Variants in TRPM3 observed in about 807,000 individuals in gnomAD.
TRPM3 encodes transient receptor potential cation channel subfamily M member 3, also known as long transient receptor potential channel 3.
TRPM3 carries 77 observed loss-of-function variants against 181.2 expected under a neutral mutation model. The ratio of observed to expected loss-of-function variants is 0.42; its 90% CI spans 0.35 to 0.51. The LOEUF is 0.51. Ranked by LOEUF, TRPM3 falls within the 20% of genes least tolerant of loss-of-function variation. The pLI is 0.01. For synonymous variants in TRPM3, 745 were observed against 796.4 expected (o/e 0.94, Z 1.09); for missense variants, 1,759 against 2,196.7 (o/e 0.80, Z 3.98).
At chr9:70,811,392 GC>G (rs2092012598) in intron 6 of TRPM3, 1 of 663,274 alleles carries the variant, frequency 1.5e-6, no homozygotes, top group African/African-American at 1.8e-5. Flanking sequence ...GCATCATCCA[GC>G]CCTTCTGCAC....
chr9:70,556,044 C>T (rs1484120615), intron 22 of TRPM3, among the ~76,000 whole-genome samples: 1 of 152,172 alleles, frequency 6.6e-6, no homozygotes, highest in African/African-American at 2.4e-5. Flanking sequence ...ACACTTCCTC[C>T]ACTTGGGCCC....
chr9:70,926,367 T>A (rs1377406423), intron 1 of TRPM3, among the ~76,000 whole-genome samples: 1 of 152,176 alleles, frequency 6.6e-6, no homozygotes, highest in African/African-American at 2.4e-5. Context: ...TCTGTAAAAA[T>A]TTGTGGCCAT....
chr9:71,036,416 A>T (rs991949789), intron 1 of TRPM3, among the ~76,000 whole-genome samples: 2 of 152,222 alleles, frequency 1.3e-5, no homozygotes, highest in African/African-American at 4.8e-5. Context: ...GTTTTTAGCA[A>T]GCACATATAA....
In TRPM3 at chr9:70,536,975, T is replaced by C. The variant is rs915440303; in HGVS notation, c.4138A>G (p.Thr1380Ala). The change falls in exon 26 of 26, where the codon ACT becomes GCT. Residue 1380 changes from threonine (T) to alanine (A), a missense_variant. Thr to Ala is a moderately conservative substitution (Grantham distance 58, BLOSUM62 0). Transcript: ENST00000677713. ...TCTTTTGCTACAGAGTGGGAACTAG[T>C]AGCCCGGTGTAGGCTCAGGGACCTT... ...KERSLSLHRA[T>A]SSHSVAKEPK... 6.2e-7 allele frequency: 1 copy of C among 1,613,428 alleles called. No homozygotes were observed. Among genetic ancestry groups the C allele is most frequent in the African/African-American group, 1.3e-5 (1 of 75,034 alleles).
chr9:71,045,912 T>C (rs1211974328), intron 1 of TRPM3, among the ~76,000 whole-genome samples: 1 of 152,110 alleles, frequency 6.6e-6, no homozygotes, highest in Non-Finnish European at 1.5e-5. Context: ...GATTATTTAT[T>C]GTAACACCTC....
Position 71,331,955 on chromosome 9 carries a change from T to C in TRPM3, c.183+114698A>G, listed in dbSNP as rs199838740. 1.5e-3 allele frequency among the ~76,000 whole-genome samples: 133 copies of C among 89,262 alleles called. 5 individuals are homozygous for C. In the East Asian group the frequency reaches 0.044, roughly 30 times the overall value. 58.6% of individuals were successfully genotyped at this position (89,262 alleles called of 152,430 possible). A position where few individuals can be genotyped will look rare whatever the true frequency, so the allele number is the denominator to read the frequency against. ...AAGGTGAAGGAGAAGAAGAGAAAGG[T>C]GGAGGAGGGAGGAGGAGGAGAAGGA... On this transcript the variant is annotated intron_variant, in intron 1 of 24. Coordinates refer to the TRPM3 transcript ENST00000357533.
intron 1 of TRPM3, among the ~76,000 whole-genome samples, chr9:71,443,008 A>G (rs2094154263): frequency 6.6e-6 from 1 of 152,386 alleles, no homozygotes; most frequent in Middle Eastern, 3.4e-3. Flanking sequence ...ATTAATATCC[A>G]GAAACTTAAT....
chr9:71,161,993 T>A (rs769378282), intron 1 of TRPM3, among the ~76,000 whole-genome samples: 1 of 151,576 alleles, frequency 6.6e-6, no homozygotes, highest in Non-Finnish European at 1.5e-5. Context: ...CCTGAGGTCA[T>A]GAGTTCGAGA....
chr9:70,855,671 C>A (rs905291219), intron 3 of TRPM3, among the ~76,000 whole-genome samples: 1 of 152,126 alleles, frequency 6.6e-6, no homozygotes, highest in Non-Finnish European at 1.5e-5. Context: ...ATTTTCCTTT[C>A]GGTTTGAGAA....
intron 1 of TRPM3, among the ~76,000 whole-genome samples, chr9:71,310,659 G>T (rs1455090050): frequency 6.6e-6 from 1 of 152,096 alleles, no homozygotes. Context: ...TTTATTATGT[G>T]TAGCTCCTAC....
At chr9:71,048,688 G>A (rs574269897) in intron 1 of TRPM3, among the ~76,000 whole-genome samples, 3 of 152,292 alleles carry the variant, frequency 2.0e-5, no homozygotes, top group Non-Finnish European at 4.4e-5. Flanking sequence ...GTGCTGGTTA[G>A]AGCTGGAGTC....
At chr9:71,214,445 C>T (rs764447649) in intron 1 of TRPM3, among the ~76,000 whole-genome samples, 6 of 152,110 alleles carry the variant, frequency 3.9e-5, no homozygotes, top group Admixed American at 6.6e-5. Context: ...GACTTGCATT[C>T]AAATATTTAC....
chr9:71,095,616 G>T (rs527656481), intron 1 of TRPM3, among the ~76,000 whole-genome samples: 1 of 151,608 alleles, frequency 6.6e-6, no homozygotes, highest in African/African-American at 2.4e-5. Flanking sequence ...AAAATTAGCC[G>T]GGCATGGTGG....
At chr9:70,650,147 GACTT>G (rs926822927) in intron 9 of TRPM3, among the ~76,000 whole-genome samples, 5 of 152,104 alleles carry the variant, frequency 3.3e-5, no homozygotes, top group African/African-American at 1.2e-4. Flanking sequence ...GAGACACCAG[GACTT>G]ACTTGAGGGT....
chr9:71,344,752 A>C (rs1490972180), intron 1 of TRPM3, among the ~76,000 whole-genome samples: 1 of 152,170 alleles, frequency 6.6e-6, no homozygotes, highest in Non-Finnish European at 1.5e-5. Context: ...TCAAAATTAA[A>C]AGCTTCTGCT....
chr9:71,303,026 T>C (rs1455909301), intron 1 of TRPM3, among the ~76,000 whole-genome samples: 1 of 152,124 alleles, frequency 6.6e-6, no homozygotes, highest in East Asian at 1.9e-4. Flanking sequence ...ACACTAGCAC[T>C]GGGCGCTCAC....
At chr9:70,818,112 A>T (rs1490740799) in intron 6 of TRPM3, among the ~76,000 whole-genome samples, 3 of 152,218 alleles carry the variant, frequency 2.0e-5, no homozygotes, top group African/African-American at 7.2e-5. Flanking sequence ...AACCTCTGTC[A>T]GATTCCCATG....
At chr9:70,832,422 T>A (rs1485405284) in intron 5 of TRPM3, among the ~76,000 whole-genome samples, 2 of 152,256 alleles carry the variant, frequency 1.3e-5, no homozygotes, top group East Asian at 3.9e-4. Context: ...CTCTTTCTTG[T>A]CCCTTAAGAG....
intron 1 of TRPM3, among the ~76,000 whole-genome samples, chr9:70,947,737 A>G (rs533043630): frequency 2.8e-4 from 42 of 152,290 alleles, no homozygotes; most frequent in Non-Finnish European, 5.7e-4. Flanking sequence ...TTCAAGAGCC[A>G]GGTGTGTGTG....
Sources: allele counts gnomAD v4.1 joint callset (sites outside exome capture counted in the v4.1 genomes callset), GRCh38; gene constraint gnomAD v4.1.1; transcripts MANE v1.5; gene names NCBI Gene and HGNC (gene_info 2026-07-23, HGNC 2026-07-21).